SLC7A10: variants seen among roughly 807,000 people sequenced by gnomAD.
The protein encoded by SLC7A10 is asc-type amino acid transporter 1.
SLC7A10 carries 30 observed loss-of-function variants against 52.7 expected under a neutral mutation model. The observed-to-expected ratio is 0.57, with a 90% confidence interval of 0.43 to 0.77. SLC7A10 has a LOEUF of 0.77. SLC7A10 is among the 30% of genes least tolerant of loss of function. The pLI is 0.00. For synonymous variants in SLC7A10, 318 were observed against 314.9 expected, an observed-to-expected ratio of 1.01 and a Z score of -0.10; for missense variants, 581 against 698.5, an observed-to-expected ratio of 0.83 and a Z score of 1.90.
chr19:33,224,203 C>A (rs1974874658), intron 1 of SLC7A10, among the ~76,000 whole-genome samples: 1 of 152,184 alleles, frequency 6.6e-6, no homozygotes, highest in South Asian at 2.1e-4. Flanking sequence ...GTGAGCTTCC[C>A]CTTCCCTGGA....
intron 1 of SLC7A10, 58 bp from the exon 2 acceptor site, chr19:33,216,031 T>C: frequency 1.4e-6 from 2 of 1,434,576 alleles, no homozygotes; most frequent in Non-Finnish European, 1.9e-6. Context: ...AGCCCGGCCT[T>C]CTGTGTGGGG....
At position 33,215,976 on chromosome 19, in the gene SLC7A10, G is replaced by T; in HGVS notation, c.152-3C>A. ...GATGCCCGAGCCGATGATGTTCCCT[G>T]CAGGGGGAGAGATGGGGAGGCATCA... is the stretch of plus-strand genomic sequence containing the variant. On this transcript the variant is annotated splice_region_variant and splice_polypyrimidine_tract_variant and intron_variant, in intron 1 of 10. Coordinates refer to ENST00000253188, the MANE Select transcript of SLC7A10 (RefSeq NM_019849.3). 6.3e-7 allele frequency: 1 copy of T among 1,579,190 alleles called. No individual in the cohort carries two copies. Among genetic ancestry groups the T allele is most frequent in the Non-Finnish European group, 8.7e-7 (1 of 1,155,802 alleles).
At chr19:33,223,932 C>T in intron 1 of SLC7A10, among the ~76,000 whole-genome samples, 1 of 138,232 alleles carries the variant, frequency 7.2e-6, no homozygotes, top group East Asian at 2.1e-4. Flanking sequence ...CCACCACCAC[C>T]ACCTCTACCA....
In SLC7A10 at chr19:33,211,394, C is replaced by T; in HGVS notation, c.912+20G>A. On this transcript the variant is annotated intron_variant, in intron 6 of 10. Transcript: ENST00000253188. ...CAGGGGCCTGGGCAGGAGCCAGGGA[C>T]CGAGCAGGGGCCCACTCACCACAGC... 1 of 1,613,678 alleles carries T rather than the reference C, an allele frequency of 6.2e-7. No individual in the cohort carries two copies. The highest frequency in any genetic ancestry group is 8.5e-7 in the Non-Finnish European group (1 of 1,179,874).
intron 1 of SLC7A10, among the ~76,000 whole-genome samples, chr19:33,224,598 C>A (rs1055345715): frequency 6.6e-6 from 1 of 152,150 alleles, no homozygotes. Flanking sequence ...ACCGGGAAGA[C>A]TGGCTGGCGG....
chr19:33,219,951 T>C (rs535181449), intron 1 of SLC7A10: 19 of 152,382 alleles, frequency 1.2e-4, no homozygotes, highest in African/African-American at 4.6e-4. Context: ...CCCTACGCAC[T>C]GCCATCTGCC....
In SLC7A10 at chr19:33,225,789, G is replaced by A. The variant is rs375656265; in HGVS notation, c.-86C>T. 1.5e-6 allele frequency: 2 copies of A among 1,358,708 alleles called. No homozygotes were observed. Among genetic ancestry groups the A allele is most frequent in the East Asian group, 6.5e-5 (2 of 30,808 alleles). 84.2% of individuals were successfully genotyped at this position (1,358,708 alleles called of 1,614,324 possible). On this transcript the variant is annotated 5_prime_UTR_variant, in exon 1 of 11. Transcript: ENST00000253188. The stretch of plus-strand genomic sequence containing the variant: ...TCGGTCCGTCGGTCCGTGAGCTCAC[G>A]GCCCTCGCAGCCGGGACAGCGCCCA...
Position 33,225,762 on chromosome 19 carries a change from C to A in SLC7A10, c.-59G>T. The A allele has an allele frequency of 1.4e-6, 2 of 1,436,188 alleles. No homozygotes were observed. The highest frequency in any genetic ancestry group is 1.8e-6 in the Non-Finnish European group (2 of 1,099,730). The allele number at this position is 1,436,188 out of a possible 1,614,324, so 89.0% of individuals were successfully genotyped here. ...TGCCCCGTCTGTCCGGCCGGCCGCC[C>A]GTCGGTCCGTCGGTCCGTGAGCTCA... On this transcript the variant is annotated 5_prime_UTR_variant, in exon 1 of 11. Coordinates refer to ENST00000253188, the MANE Select transcript of SLC7A10 (RefSeq NM_019849.3).
Position 33,211,256 on chromosome 19 carries a change from C to T in SLC7A10, c.985G>A (p.Gly329Arg). The T allele has an allele frequency of 6.2e-7, 1 of 1,614,022 alleles. No individual in the cohort carries two copies. The highest frequency in any genetic ancestry group is 1.1e-5 in the South Asian group (1 of 91,078). The change falls in exon 7 of 11, where the codon GGG becomes AGG. Residue 329 changes from glycine to arginine, a missense_variant. Gly to Arg is a moderately radical substitution (Grantham distance 125, BLOSUM62 -2). Coordinates refer to ENST00000253188, the MANE Select transcript of SLC7A10 (RefSeq NM_019849.3). ...PVSVALSTFG[G>R]INGYLFTYSR... ...TAGGTGAACAGGTAACCATTGATCC[C>T]TCCGAAGGTTGACAGAGCCACGGAG...
In SLC7A10 at chr19:33,211,057, T is replaced by G. The variant is rs1468488798; in HGVS notation, c.1017-159A>C. 3.1e-6 allele frequency: 3 copies of G among 970,168 alleles called. No homozygotes were observed. The East Asian group carries it at 7.8e-5, about 25-fold the overall frequency. 60.1% of individuals were successfully genotyped at this position (970,168 alleles called of 1,614,324 possible). A position where few individuals can be genotyped will look rare whatever the true frequency, so the allele number is the denominator to read the frequency against. ...CCAGCCTGCCTGCCTCTTGCTTTCT[T>G]TGCCTCCCAGTTGTGATCAGACACT... On this transcript the variant is annotated intron_variant, in intron 7 of 10. Transcript: ENST00000253188.
intron 7 of SLC7A10, 152 bp from the exon 8 acceptor site, chr19:33,211,050 G>A: frequency 1.0e-6 from 1 of 972,462 alleles, no homozygotes; most frequent in Non-Finnish European, 1.6e-6. Context: ...CCTGCCTCTT[G>A]CTTTCTTTGC....
chr19:33,216,220 C>T (rs947138639), intron 1 of SLC7A10, among the ~76,000 whole-genome samples: 3 of 152,214 alleles, frequency 2.0e-5, no homozygotes, highest in African/African-American at 7.2e-5. Context: ...TTCAGCTGGC[C>T]AGGCCCCTCT....
chr19:33,218,684 T>TTTCTTTCTTTC (rs1555733802), intron 1 of SLC7A10, among the ~76,000 whole-genome samples: 1 of 48,656 alleles, frequency 2.1e-5, no homozygotes, highest in Non-Finnish European at 5.4e-5. Context: ...TTTCTTTCTT[T>TTTCTTTCTTTC]TTTTTTTTTT....
intron 2 of SLC7A10, 138 bp downstream of exon 2, chr19:33,215,631 C>CCCCCCCCACCTTCTCTCCATCCAG: frequency 4.5e-6 from 2 of 444,186 alleles, no homozygotes; most frequent in Non-Finnish European, 6.7e-6. Flanking sequence ...TCTCCATCCA[C>CCCCCCCCACCTTCTCTCCATCCAG]CCCCCACACC....
intron 1 of SLC7A10, chr19:33,220,048 G>A (rs1200633583): frequency 6.6e-6 from 1 of 152,234 alleles, no homozygotes; most frequent in Non-Finnish European, 1.5e-5. Context: ...GCTGCGGCCT[G>A]GGTGAAGCCT....
In SLC7A10 at chr19:33,208,753, T is replaced by C; in HGVS notation, c.*138A>G. The C allele has an allele frequency of 1.9e-6, 2 of 1,076,338 alleles. No homozygotes were observed. The highest frequency in any genetic ancestry group is 2.6e-6 in the Non-Finnish European group (2 of 765,760). 66.7% of individuals were successfully genotyped at this position (1,076,338 alleles called of 1,614,324 possible). A position where few individuals can be genotyped will look rare whatever the true frequency, so the allele number is the denominator to read the frequency against. ...GGAAACCCAGTCCACATTTTAGGGC[T>C]TCCTTAAACAGGCTTCTGAGAGTCG... On this transcript the variant is annotated 3_prime_UTR_variant, in exon 11 of 11. Coordinates refer to ENST00000253188, the MANE Select transcript of SLC7A10 (RefSeq NM_019849.3). This position sits in a 1 kb window ranked among gnomAD's most constrained non-coding sequence, Gnocchi z 4.7.
At chr19:33,213,920 C>T (rs555656459) in intron 2 of SLC7A10, among the ~76,000 whole-genome samples, 1 of 152,276 alleles carries the variant, frequency 6.6e-6, no homozygotes, top group Admixed American at 6.5e-5. Context: ...GTGGTCCTAG[C>T]CCCTGGCCAG....
At chr19:33,217,149 T>G (rs1411820233) in intron 1 of SLC7A10, among the ~76,000 whole-genome samples, 1 of 151,892 alleles carries the variant, frequency 6.6e-6, no homozygotes, top group South Asian at 2.1e-4. Flanking sequence ...AGTGCTAGGA[T>G]TACAGGTGAG....
intron 1 of SLC7A10, among the ~76,000 whole-genome samples, chr19:33,218,518 C>T (rs577140667): frequency 4.0e-5 from 6 of 151,420 alleles, no homozygotes; most frequent in Non-Finnish European, 5.9e-5. Context: ...TGGCTGCTCC[C>T]GGCACCATGA....
Sources: gnomAD v4.1 joint callset for allele counts (sites outside exome capture counted in the v4.1 genomes callset) on GRCh38, gnomAD v4.1.1 for gene constraint, Gnocchi (gnomAD v3.1) non-coding constraint, MANE v1.5 for transcripts, NCBI Gene and HGNC (gene_info 2026-07-23, HGNC 2026-07-21) for gene names.